The following C8orf34 variants were observed in gnomAD, a reference collection of about 807,000 sequenced individuals.
C8orf34 encodes the protein chromosome 8 open reading frame 34, also known as uncharacterized protein C8orf34.
C8orf34 carries 65 observed loss-of-function variants against 68.3 expected under a neutral mutation model. The observed-to-expected ratio is 0.95, with a 90% CI of 0.78 to 1.17. The LOEUF is 1.17. C8orf34 is among the 50% of genes most tolerant of loss of function. The probability of loss-of-function intolerance (pLI) is 0.00; values close to 1 mark genes in which losing one functional copy is unlikely to be tolerated. For synonymous variants in C8orf34, 244 were observed against 241.2 expected (o/e 1.01, Z -0.11); for missense variants, 664 against 655.4 (o/e 1.01, Z -0.14).
chr8:68,367,907 G>GA (rs1807360133), intron 1 of C8orf34, among the ~76,000 whole-genome samples: 42 of 15,016 alleles, frequency 2.8e-3, no homozygotes, highest in Non-Finnish European at 4.8e-3. Flanking sequence ...AATAAAAAAA[G>GA]AAAAGAAAAA....
chr8:68,542,124 C>T (rs1431113326), intron 7 of C8orf34, among the ~76,000 whole-genome samples: 2 of 152,140 alleles, frequency 1.3e-5, no homozygotes, highest in African/African-American at 2.4e-5. Context: ...TGGGGTTTTC[C>T]TGTAGCATGG....
chr8:68,646,387 T>G (rs1383462671), intron 8 of C8orf34, among the ~76,000 whole-genome samples: 2 of 152,110 alleles, frequency 1.3e-5, no homozygotes, highest in Admixed American at 1.3e-4. Context: ...AATATGATGT[T>G]TTGATATATT....
chr8:68,381,382 A>G (rs1808022786), intron 1 of C8orf34, among the ~76,000 whole-genome samples: 2 of 152,188 alleles, frequency 1.3e-5, no homozygotes, highest in Admixed American at 6.5e-5. Context: ...GTACTCTGTT[A>G]TCATTACAAG....
rs75216115 is a variant in C8orf34, at chr8:68,593,006, C to T, written c.1106-47370C>T. Among the ~76,000 whole-genome samples the T allele has an allele frequency of 3.6e-3, 555 of 152,184 alleles. 7 individuals carry two copies. Among genetic ancestry groups the T allele is most frequent in the African/African-American group, 0.013 (532 of 41,516 alleles). ...CACAAAGGGAATGCATCTCAAGTTACCTCTGTTAAATGTGAAGCTTGCTGT... is the reference window on the plus strand; with the variant it reads ...CACAAAGGGAATGCATCTCAAGTTATCTCTGTTAAATGTGAAGCTTGCTGT... On this transcript the variant is annotated intron_variant, in intron 7 of 13. Transcript: ENST00000518698.
intron 8 of C8orf34, among the ~76,000 whole-genome samples, chr8:68,705,521 C>T (rs1182821876): frequency 6.6e-6 from 1 of 151,812 alleles, no homozygotes; most frequent in Non-Finnish European, 1.5e-5. Flanking sequence ...TTGTGCAAGG[C>T]AATTAGGAGG....
intron 12 of C8orf34, among the ~76,000 whole-genome samples, chr8:68,794,505 A>T (rs1267012373): frequency 0.16 from 9,716 of 62,136 alleles, 1,105 homozygotes; most frequent in African/African-American, 0.17. Context: ...ATATATATAT[A>T]TTTTTTTTTT....
At position 68,452,647 on chromosome 8, in the gene C8orf34, T is replaced by C. The variant is rs919820978; in HGVS notation, c.607+6187T>C. ...TTATTCTTGAGTTATGAGAGTTTTT[T>C]GTATTCTGGCTACTAGATCCTTATC... is the stretch of plus-strand genomic sequence containing the variant. On this transcript the variant is annotated intron_variant, in intron 3 of 13. Coordinates refer to ENST00000518698, the MANE Select transcript of C8orf34 (RefSeq NM_052958.4). Among the ~76,000 whole-genome samples the C allele has an allele frequency of 5.3e-5, 8 of 150,442 alleles. No individual in the cohort carries two copies. The Admixed American group carries it at 5.4e-4, about 10-fold the overall frequency.
chr8:68,403,459 C>T (rs971784680), intron 1 of C8orf34, among the ~76,000 whole-genome samples: 9 of 152,038 alleles, frequency 5.9e-5, no homozygotes, highest in Non-Finnish European at 8.8e-5. Context: ...TAGGTATACA[C>T]GTGCCATGGT....
At position 68,381,272 on chromosome 8, in the gene C8orf34, A is replaced by G. The variant is rs149566245; in HGVS notation, c.327+49933A>G. 4.0e-3 allele frequency among the ~76,000 whole-genome samples: 613 copies of G among 152,326 alleles called. 3 individuals carry two copies. The highest frequency in any genetic ancestry group is 0.014 in the African/African-American group (592 of 41,570). On this transcript the variant is annotated intron_variant, in intron 1 of 13. Transcript: ENST00000518698. Reference sequence around the variant, plus strand: ...ACTCTAAGTTTATTCCAAAGAACCTATAGAGGTTAACTCAAGCATGTTCTA... The same window carrying G: ...ACTCTAAGTTTATTCCAAAGAACCTGTAGAGGTTAACTCAAGCATGTTCTA...
chr8:68,805,938 G>T (rs1486527452), intron 12 of C8orf34, among the ~76,000 whole-genome samples: 2 of 151,098 alleles, frequency 1.3e-5, no homozygotes, highest in Non-Finnish European at 3.0e-5. Flanking sequence ...GCCTTTTTTG[G>T]GATAATTTTT....
chr8:68,506,756 G>A (rs1302532674), intron 5 of C8orf34, among the ~76,000 whole-genome samples: 3 of 152,040 alleles, frequency 2.0e-5, no homozygotes, highest in Non-Finnish European at 4.4e-5. Context: ...TTCCTACTTG[G>A]AGTCATAAAA....
chr8:68,738,603 G>A lies in C8orf34; in HGVS notation c.1404+17166G>A, dbSNP rs7844759. On this transcript the variant is annotated intron_variant, in intron 10 of 13. Coordinates refer to ENST00000518698, the MANE Select transcript of C8orf34 (RefSeq NM_052958.4). ...CACAATCAGAAACAACAAAGGGGAT[G>A]TTATCACTCACCCCACAGAAATACA... is the stretch of plus-strand genomic sequence containing the variant. Among the ~76,000 whole-genome samples the A allele has an allele frequency of 5.7e-3, 866 of 151,996 alleles. 8 individuals are homozygous for A. Among genetic ancestry groups the A allele is most frequent in the African/African-American group, 0.02 (820 of 41,514 alleles).
chr8:68,695,656 A>G (rs1042721023), intron 8 of C8orf34: 2 of 152,098 alleles, frequency 1.3e-5, no homozygotes, highest in Non-Finnish European at 2.9e-5. Context: ...CAGAATTATC[A>G]CACTTTTAAC....
intron 1 of C8orf34, among the ~76,000 whole-genome samples, chr8:68,393,470 G>A (rs774403024): frequency 6.6e-6 from 1 of 152,112 alleles, no homozygotes; most frequent in Non-Finnish European, 1.5e-5. Context: ...GCAGTGTAGT[G>A]CAACAGCACT....
At chr8:68,670,235 G>A (rs929837142) in intron 8 of C8orf34, among the ~76,000 whole-genome samples, 10 of 152,138 alleles carry the variant, frequency 6.6e-5, no homozygotes, top group Non-Finnish European at 1.5e-4. Flanking sequence ...AGTGGCTTCA[G>A]AATGAAAGAC....
chr8:68,599,409 T>C (rs1183546602), intron 7 of C8orf34, among the ~76,000 whole-genome samples: 1 of 151,932 alleles, frequency 6.6e-6, no homozygotes, highest in Non-Finnish European at 1.5e-5. Context: ...AGTAATCTTA[T>C]AGAGGAAGAA....
At chr8:68,671,402 G>T (rs954621110) in intron 8 of C8orf34, among the ~76,000 whole-genome samples, 2 of 152,174 alleles carry the variant, frequency 1.3e-5, no homozygotes, top group Admixed American at 1.3e-4. Flanking sequence ...GCAAGTTACT[G>T]AGACGAGAAA....
At chr8:68,731,520 C>A (rs1243247289) in intron 10 of C8orf34, among the ~76,000 whole-genome samples, 1 of 152,026 alleles carries the variant, frequency 6.6e-6, no homozygotes, top group Non-Finnish European at 1.5e-5. Flanking sequence ...AGAAATTAAA[C>A]TCTTTAAAAT....
chr8:68,672,832 C>T (rs967250634), intron 8 of C8orf34, among the ~76,000 whole-genome samples: 4 of 152,136 alleles, frequency 2.6e-5, no homozygotes, highest in Admixed American at 2.6e-4. Flanking sequence ...CAACCTCAAG[C>T]AGTGCAGCTT....
Sources: allele counts gnomAD v4.1 joint callset (sites outside exome capture counted in the v4.1 genomes callset), GRCh38; gene constraint gnomAD v4.1.1; transcripts MANE v1.5; gene names NCBI Gene and HGNC (gene_info 2026-07-23, HGNC 2026-07-21).